The following FAAP100 variants were observed in gnomAD, a reference collection of about 807,000 sequenced individuals.
The protein encoded by FAAP100 is FA core complex associated protein 100.
FAAP100 carries 46 observed loss-of-function variants against 65.8 expected under a neutral mutation model. The observed-to-expected ratio is 0.70, with a 90% CI of 0.55 to 0.89. The LOEUF is 0.89. Among genes scored for constraint, FAAP100 ranks in the 40% least tolerant of loss-of-function variants. The probability of loss-of-function intolerance (pLI) is 0.00; values close to 1 mark genes in which losing one functional copy is unlikely to be tolerated. For missense variants in FAAP100, 1,165 were observed against 1,196.7 expected, an observed-to-expected ratio of 0.97 and a Z score of 0.39; for synonymous variants, 663 against 555.1, an observed-to-expected ratio of 1.19 and a Z score of -2.73.
chr17:81,551,022 G>A lies in FAAP100; in HGVS notation c.472C>T (p.Pro158Ser), dbSNP rs1321200830. The change falls in exon 3 of 9, where the codon CCC becomes TCC. Residue 158 changes from proline (P) to serine (S), a missense_variant. By Grantham distance (74) the Pro-to-Ser change is moderately conservative. Coordinates refer to ENST00000327787, the MANE Select transcript of FAAP100 (RefSeq NM_025161.6). ...GGCCGGGGGTCCTCCCCAGGACAGG[G>A]CTGCTCAAACAGCTGCATCTTCCAT... ...ARWKMQLFEQPCPGEDPRPGG... is the reference protein window; with the variant it reads ...ARWKMQLFEQSCPGEDPRPGG... 2 of 1,611,008 alleles carry A rather than the reference G, an allele frequency of 1.2e-6. No individual in the cohort carries two copies. The highest frequency in any genetic ancestry group is 2.7e-5 in the African/African-American group (2 of 75,038).
chr17:81,550,633 G>T lies in FAAP100; in HGVS notation c.861C>A (p.Ala287=), dbSNP rs1598600123. The T allele has an allele frequency of 1.2e-6, 2 of 1,613,038 alleles. No individual in the cohort carries two copies. Among genetic ancestry groups the T allele is most frequent in the East Asian group, 2.2e-5 (1 of 44,878 alleles). The part of the protein sequence containing the change: ...HLEEPVIFIG[A]LKTEPQAAEA... ...CTGCAGCCTGTGGCTCTGTCTTCAA[G>T]GCCCCTATGAAGATGACGGGCTCCT... The change falls in exon 3 of 9, where the codon GCC becomes GCA. Residue 287 remains alanine, a synonymous_variant. Coordinates refer to ENST00000327787, the MANE Select transcript of FAAP100 (RefSeq NM_025161.6).
rs200047195 is a variant in FAAP100, at chr17:81,547,360, G to A, written c.1722C>T (p.Pro574=). 41 of 1,612,672 alleles carry A rather than the reference G, an allele frequency of 2.5e-5. No homozygotes were observed. Among genetic ancestry groups the A allele is most frequent in the Admixed American group, 8.3e-5 (5 of 60,008 alleles). The change falls in exon 5 of 9, where the codon CCC becomes CCT. Residue 574 remains proline (P), a synonymous_variant. Coordinates refer to ENST00000327787, the MANE Select transcript of FAAP100 (RefSeq NM_025161.6). ...GTAGCGTCACCTCCCGCCGAGCACC[G>A]GGGCCGAGCTGGTCCACGGGGATGG... ...TYTIPVDQLG[P]GARREVTLPL...
At chr17:81,546,859 A>G in intron 5 of FAAP100, 50 bp downstream of exon 5, 1 of 1,313,680 alleles carries the variant, frequency 7.6e-7, no homozygotes, top group Non-Finnish European at 9.8e-7. Context: ...GTCTCTTAAA[A>G]AAAAAAAAAA....
chr17:81,542,986 G>A (rs1408509996), intron 7 of FAAP100, among the ~76,000 whole-genome samples: 6 of 152,234 alleles, frequency 3.9e-5, no homozygotes, highest in Non-Finnish European at 7.3e-5. Context: ...CAGCCCCATC[G>A]TGGTGCCGTG....
In FAAP100 at chr17:81,551,200, A is replaced by G. The variant is rs539756129; in HGVS notation, c.294T>C (p.Ser98=). Residue 98 remains serine (S), a synonymous_variant, in exon 3 of 9, where the codon TCT becomes TCC. Coordinates refer to ENST00000327787, the MANE Select transcript of FAAP100 (RefSeq NM_025161.6). ...LSLDHPGRSR[S]TSQDDRDSED... The stretch of plus-strand genomic sequence containing the variant: ...CGCTGTCCCTGTCATCCTGGCTCGT[A>G]GACCTTTGAGAACAGGGACGCACTG... The G allele has an allele frequency of 1.3e-6, 2 of 1,516,168 alleles. No individual in the cohort carries two copies. The highest frequency in any genetic ancestry group is 4.9e-5 in the East Asian group (2 of 40,426). 93.9% of individuals were successfully genotyped at this position (1,516,168 alleles called of 1,614,324 possible). A position where few individuals can be genotyped will look rare whatever the true frequency, so the allele number is the denominator to read the frequency against.
At chr17:81,541,690 A>C (rs1450649204) in intron 7 of FAAP100, among the ~76,000 whole-genome samples, 1 of 152,184 alleles carries the variant, frequency 6.6e-6, no homozygotes, top group East Asian at 1.9e-4. Flanking sequence ...CTCTGTGCAG[A>C]TCCAGACCTG....
At chr17:81,549,694 G>A (rs747784573) in intron 3 of FAAP100, among the ~76,000 whole-genome samples, 1 of 152,240 alleles carries the variant, frequency 6.6e-6, no homozygotes, top group Non-Finnish European at 1.5e-5. Flanking sequence ...CACACTTGGG[G>A]AAGTGCACTG....
In FAAP100 at chr17:81,547,564, G is replaced by A. The variant is rs374472738; in HGVS notation, c.1518C>T (p.Ile506=). 2.5e-6 allele frequency: 4 copies of A among 1,613,434 alleles called. No homozygotes were observed. The highest frequency in any genetic ancestry group is 1.1e-5 in the South Asian group (1 of 91,084). The change falls in exon 5 of 9, where the codon ATC becomes ATT. Residue 506 remains isoleucine, a synonymous_variant. Coordinates refer to ENST00000327787, the MANE Select transcript of FAAP100 (RefSeq NM_025161.6). ...TCCAGGTGGTGCTGGTGGTGCAGGAGATGGGTCTGGGGCCCGTGCCGCTTG... is the reference window on the plus strand; with the variant it reads ...TCCAGGTGGTGCTGGTGGTGCAGGAAATGGGTCTGGGGCCCGTGCCGCTTG... The part of the protein sequence containing the change: ...LLSSGTGPRP[I]SCTTSTTWSR...
intron 8 of FAAP100, 133 bp from the exon 9 acceptor site, chr17:81,541,083 G>A (rs551922755): frequency 1.7e-4 from 211 of 1,264,824 alleles, no homozygotes; most frequent in South Asian, 4.4e-4. Flanking sequence ...ACACTCATCC[G>A]GAACCTTAAA....
Position 81,541,824 on chromosome 17 carries a change from C to A in FAAP100, c.2428-429G>T, listed in dbSNP as rs534751057. On this transcript the variant is annotated intron_variant, in intron 7 of 8. Transcript: ENST00000327787. ...TGGCCTGGCCATTCACTCATTCACG[C>A]AGCCCAGCCCAGTGTGGGCTGCAGC... Among the ~76,000 whole-genome samples the A allele has an allele frequency of 3.9e-5, 6 of 152,218 alleles. No homozygotes were observed. In the South Asian group the frequency reaches 1.2e-3, roughly 32 times the overall value.
Position 81,549,252 on chromosome 17 carries a change from G to T in FAAP100, c.1357C>A (p.Gln453Lys). Residue 453 changes from glutamine (Q) to lysine (K), a missense_variant, in exon 4 of 9, where the codon CAG becomes AAG. Physicochemically the swap from Gln to Lys is moderately conservative, Grantham distance 53. Transcript: ENST00000327787. Reference protein sequence around the residue: ...PARMTTESAGQKIKELLSGIG... With the variant: ...PARMTTESAGKKIKELLSGIG... Reference sequence around the variant, plus strand: ...CCAGACAGCAGCTCCTTTATTTTCTGACCTGCACTCTCTGTGGTCATCCTG... The same window carrying T: ...CCAGACAGCAGCTCCTTTATTTTCTTACCTGCACTCTCTGTGGTCATCCTG... The T allele has an allele frequency of 6.2e-7, 1 of 1,613,002 alleles. No individual in the cohort carries two copies. The highest frequency in any genetic ancestry group is 1.1e-5 in the South Asian group (1 of 91,044).
chr17:81,545,602 C>A (rs941409304), intron 6 of FAAP100, 144 bp downstream of exon 6: 1 of 1,178,408 alleles, frequency 8.5e-7, no homozygotes, highest in African/African-American at 1.6e-5. Context: ...CGAGGGGAAA[C>A]TGTCATATCA....
intron 7 of FAAP100, among the ~76,000 whole-genome samples, chr17:81,543,639 C>A (rs2033195005): frequency 6.6e-6 from 1 of 152,280 alleles, no homozygotes; most frequent in East Asian, 1.9e-4. Flanking sequence ...ACGCCCAGGC[C>A]ACGGCCTCTC....
At position 81,550,216 on chromosome 17, in the gene FAAP100, T is replaced by C. The variant is rs1453014367; in HGVS notation, c.1246+32A>G. 5.8e-6 allele frequency: 9 copies of C among 1,543,612 alleles called. No homozygotes were observed. In the Admixed American group the frequency reaches 1.7e-4, roughly 30 times the overall value. Reference sequence around the variant, plus strand: ...CCAAAAAGGGTGCTCCACCCTGGGCTCCCATCTTTCATTTTAGACAGCAGC... The same window carrying C: ...CCAAAAAGGGTGCTCCACCCTGGGCCCCCATCTTTCATTTTAGACAGCAGC... On this transcript the variant is annotated intron_variant, in intron 3 of 8. Transcript: ENST00000327787.
chr17:81,553,034 C>T (rs2143972741), upstream of FAAP100: 1 of 154,278 alleles, frequency 6.5e-6, no homozygotes, highest in East Asian at 1.9e-4. Context: ...CCCTCTCCCT[C>T]CTGGCAGCTC....
chr17:81,546,012 C>G, intron 5 of FAAP100, 130 bp from the exon 6 acceptor site: 1 of 1,246,640 alleles, frequency 8.0e-7, no homozygotes, highest in Non-Finnish European at 1.1e-6. Flanking sequence ...TCCCAGCTGT[C>G]CCCAGCCCCA....
rs570873116 is a variant in FAAP100 at position 81,540,073 on chromosome 17, C to A, written c.*746G>T. 18 of 339,890 alleles carry A rather than the reference C, an allele frequency of 5.3e-5. No homozygotes were observed. The highest frequency in any genetic ancestry group is 8.2e-5 in the Non-Finnish European group (16 of 195,698). The allele number at this position is 339,890 out of a possible 1,614,324, so 21.1% of individuals were successfully genotyped here. A position where few individuals can be genotyped will look rare whatever the true frequency, so the allele number is the denominator to read the frequency against. Reference sequence around the variant, plus strand: ...GGAGGCTGGGGGCTGGGGCTCAGGGCCCCCCCCCGGGCCACAGCGCCACCC... The same window carrying A: ...GGAGGCTGGGGGCTGGGGCTCAGGGACCCCCCCCGGGCCACAGCGCCACCC... On this transcript the variant is annotated 3_prime_UTR_variant, in exon 9 of 9. Transcript: ENST00000327787.
At chr17:81,541,224 A>G in intron 8 of FAAP100, 85 bp downstream of exon 8, 1 of 1,417,632 alleles carries the variant, frequency 7.1e-7, no homozygotes, top group Non-Finnish European at 9.7e-7. Flanking sequence ...GACTCTGCGG[A>G]CCCCGAGTGA....
Position 81,544,132 on chromosome 17 carries a change from G to A in FAAP100, c.2311-12C>T, listed in dbSNP as rs759251664. ...TCAGTCATGGCCACCTGCAACACAG[G>A]AGCCACCTCACTGCCTGCCTGTGGC... On this transcript the variant is annotated splice_polypyrimidine_tract_variant and intron_variant, in intron 6 of 8. Transcript: ENST00000327787. 6.3e-7 allele frequency: 1 copy of A among 1,594,154 alleles called. No homozygotes were observed. The highest frequency in any genetic ancestry group is 1.7e-5 in the Admixed American group (1 of 59,912).
Sources: gnomAD v4.1 joint callset for allele counts (sites outside exome capture counted in the v4.1 genomes callset) on GRCh38, gnomAD v4.1.1 for gene constraint, MANE v1.5 for transcripts, NCBI Gene and HGNC (gene_info 2026-07-23, HGNC 2026-07-21) for gene names.